MAGI1: variants seen among roughly 807,000 people sequenced by gnomAD.
MAGI1 encodes membrane associated guanylate kinase, WW and PDZ domain containing 1.
A neutral mutation model predicts 139.9 loss-of-function variants in MAGI1; 58 were observed. The observed-to-expected ratio is 0.41, with a 90% CI of 0.34 to 0.52. MAGI1 has a LOEUF of 0.52. Among genes scored for constraint, MAGI1 ranks in the 20% least tolerant of loss-of-function variants. MAGI1 has a pLI of 0.12. For synonymous variants in MAGI1, 812 were observed against 737.9 expected (o/e 1.10, Z -1.63); for missense variants, 1,874 against 1,901.6 (o/e 0.99, Z 0.27).
chr3:65,734,528 A>AAAGAGAGAAAAT (rs71281379), intron 1 of MAGI1, among the ~76,000 whole-genome samples: 29 of 147,458 alleles, frequency 2.0e-4, no homozygotes, highest in Non-Finnish European at 3.8e-4. Flanking sequence ...AGAGAGAAAG[A>AAAGAGAGAAAAT]GAGAGGGGGA....
At chr3:65,952,126 CTT>C (rs1436993424) in intron 1 of MAGI1, among the ~76,000 whole-genome samples, 1 of 152,086 alleles carries the variant, frequency 6.6e-6, no homozygotes, top group African/African-American at 2.4e-5. Flanking sequence ...ATAGATAACT[CTT>C]AGCCCACCCA....
chr3:65,729,478 T>A (rs2033971378), intron 1 of MAGI1, among the ~76,000 whole-genome samples: 1 of 152,208 alleles, frequency 6.6e-6, no homozygotes, highest in Non-Finnish European at 1.5e-5. Flanking sequence ...ATATATTTTA[T>A]ACAGTCATTT....
intron 1 of MAGI1, among the ~76,000 whole-genome samples, chr3:65,813,369 A>G (rs1172300699): frequency 6.6e-6 from 1 of 152,212 alleles, no homozygotes; most frequent in East Asian, 1.9e-4. Context: ...GCAAAAGCTA[A>G]TGGAAGGCAA....
At chr3:65,748,550 A>G (rs1323140842) in intron 1 of MAGI1, among the ~76,000 whole-genome samples, 1 of 152,198 alleles carries the variant, frequency 6.6e-6, no homozygotes, top group Non-Finnish European at 1.5e-5. Flanking sequence ...TTTGTATTGC[A>G]ACACAGTGAG....
intron 2 of MAGI1, among the ~76,000 whole-genome samples, chr3:65,519,578 G>A (rs1446086067): frequency 6.6e-6 from 1 of 151,954 alleles, no homozygotes; most frequent in Non-Finnish European, 1.5e-5. Flanking sequence ...TAGAGATAGG[G>A]TTTCACCACG....
chr3:65,388,928 C>G (rs543201260), intron 14 of MAGI1, among the ~76,000 whole-genome samples: 2 of 148,834 alleles, frequency 1.3e-5, no homozygotes, highest in Non-Finnish European at 3.0e-5. Flanking sequence ...CTGCAAGCTC[C>G]GCCTCCCAGG....
intron 2 of MAGI1, among the ~76,000 whole-genome samples, chr3:65,576,241 C>A (rs778811450): frequency 2.0e-5 from 3 of 152,134 alleles, no homozygotes; most frequent in African/African-American, 7.2e-5. Flanking sequence ...TCAAGTAACA[C>A]GTATTAATAA....
At chr3:65,948,583 G>A (rs74916429) in intron 1 of MAGI1, among the ~76,000 whole-genome samples, 2,649 of 152,264 alleles carry the variant, frequency 0.017, 81 homozygotes, top group African/African-American at 0.061. Context: ...GGAAAGTTCA[G>A]TAGGGTTAAC....
At chr3:65,858,446 A>G (rs910107613) in intron 1 of MAGI1, among the ~76,000 whole-genome samples, 2 of 152,344 alleles carry the variant, frequency 1.3e-5, no homozygotes, top group Non-Finnish European at 2.9e-5. Context: ...CATCTTATAG[A>G]TCTGTGACTC....
chr3:65,892,075 T>A (rs1252485249), intron 1 of MAGI1, among the ~76,000 whole-genome samples: 1 of 151,464 alleles, frequency 6.6e-6, no homozygotes, highest in Non-Finnish European at 1.5e-5. Flanking sequence ...AGATACTCAT[T>A]ATATAGAGAA....
At chr3:65,694,072 G>A (rs1020948562) in intron 1 of MAGI1, among the ~76,000 whole-genome samples, 1 of 152,056 alleles carries the variant, frequency 6.6e-6, no homozygotes, top group Non-Finnish European at 1.5e-5. Flanking sequence ...TATACAGACA[G>A]GTTATTTTTT....
intron 1 of MAGI1, among the ~76,000 whole-genome samples, chr3:65,988,667 G>C (rs2066008745): frequency 6.6e-6 from 1 of 152,150 alleles, no homozygotes; most frequent in African/African-American, 2.4e-5. Flanking sequence ...TTCAGTTCAA[G>C]CACTAAGATG....
At chr3:65,883,877 G>C (rs1302193877) in intron 1 of MAGI1, among the ~76,000 whole-genome samples, 1 of 152,152 alleles carries the variant, frequency 6.6e-6, no homozygotes, top group East Asian at 1.9e-4. Flanking sequence ...AACTACTGGA[G>C]CCAGAACATT....
Position 65,360,228 on chromosome 3 carries a change from A to G in MAGI1, c.3634+971T>C, listed in dbSNP as rs538139576. The G allele has an allele frequency of 3.1e-4, 305 of 985,382 alleles. 1 individual carries two copies. Among genetic ancestry groups the G allele is most frequent in the Non-Finnish European group, 3.4e-4 (279 of 829,912 alleles). The allele number at this position is 985,382 out of a possible 1,614,324, so 61.0% of individuals were successfully genotyped here. ...AATGACTTTCAGAAAAGAGGGTGAT[A>G]ATAGATAAATCCCTAATAAAGGGGA... On this transcript the variant is annotated intron_variant, in intron 22 of 22. Coordinates refer to ENST00000402939, the MANE Select transcript of MAGI1 (RefSeq NM_001033057.2).
chr3:65,999,730 G>A (rs776166575), intron 1 of MAGI1, among the ~76,000 whole-genome samples: 1 of 151,512 alleles, frequency 6.6e-6, no homozygotes, highest in African/African-American at 2.4e-5. Flanking sequence ...CTCCACAATC[G>A]TTTTGCCATT....
intron 5 of MAGI1, among the ~76,000 whole-genome samples, chr3:65,466,449 A>T (rs991584423): frequency 6.6e-6 from 1 of 152,080 alleles, no homozygotes; most frequent in Non-Finnish European, 1.5e-5. Flanking sequence ...TTTTGTTGAC[A>T]CCGGAGAGGG....
At chr3:65,359,482 T>A in intron 22 of MAGI1, 14 of 1,075,142 alleles carry the variant, frequency 1.3e-5, no homozygotes, top group Non-Finnish European at 1.6e-5. Flanking sequence ...TAGGAGAGCA[T>A]TAACAATAAA....
intron 1 of MAGI1, among the ~76,000 whole-genome samples, chr3:65,882,277 A>G (rs2060357295): frequency 6.6e-6 from 1 of 152,226 alleles, no homozygotes. Context: ...AACTTAAAGA[A>G]GAAAAAGCTG....
At chr3:65,956,684 A>G (rs2064143643) in intron 1 of MAGI1, among the ~76,000 whole-genome samples, 1 of 152,168 alleles carries the variant, frequency 6.6e-6, no homozygotes, top group Non-Finnish European at 1.5e-5. Flanking sequence ...AAACTAGAAG[A>G]GCTGGAACAC....
Sources: gnomAD v4.1 joint callset for allele counts (sites outside exome capture counted in the v4.1 genomes callset) on GRCh38, gnomAD v4.1.1 for gene constraint, MANE v1.5 for transcripts, NCBI Gene and HGNC (gene_info 2026-07-23, HGNC 2026-07-21) for gene names.